FGF10: variants seen among roughly 807,000 people sequenced by gnomAD.
FGF10 encodes FGF-10.
A neutral mutation model predicts 19.8 loss-of-function variants in FGF10; 2 were observed. That is an observed-to-expected ratio of 0.10 (90% CI 0.04 to 0.32). The LOEUF (loss-of-function observed/expected upper bound fraction) is 0.32. FGF10 is among the 10% of genes least tolerant of loss of function. FGF10 has a pLI of 1.00. For synonymous variants in FGF10, 112 were observed against 94.0 expected, an observed-to-expected ratio of 1.19 and a Z score of -1.10; for missense variants, 191 against 246.3, an observed-to-expected ratio of 0.78 and a Z score of 1.50.
intron 1 of FGF10, among the ~76,000 whole-genome samples, chr5:44,377,925 C>T (rs979469595): frequency 3.3e-5 from 5 of 152,130 alleles, no homozygotes; most frequent in South Asian, 2.1e-4. Context: ...CTATCTTAGC[C>T]GTTGATGTAG....
At chr5:44,357,801 T>C (rs906410808) in intron 1 of FGF10, among the ~76,000 whole-genome samples, 32 of 151,516 alleles carry the variant, frequency 2.1e-4, no homozygotes, top group Admixed American at 2.1e-3. Context: ...TAGCTAAGTA[T>C]AGCCAAATAA....
chr5:44,380,718 C>T (rs909952914), intron 1 of FGF10, among the ~76,000 whole-genome samples: 4 of 152,286 alleles, frequency 2.6e-5, no homozygotes, highest in South Asian at 2.1e-4. Context: ...TGGTGGCTCA[C>T]ACCCGTAATC....
At chr5:44,369,285 A>T (rs1007350913) in intron 1 of FGF10, among the ~76,000 whole-genome samples, 8 of 152,222 alleles carry the variant, frequency 5.3e-5, no homozygotes, top group African/African-American at 1.9e-4. Flanking sequence ...ATAAACCATA[A>T]GACATTAAAG....
intron 1 of FGF10, among the ~76,000 whole-genome samples, chr5:44,317,115 G>A (rs1205595984): frequency 6.6e-6 from 1 of 152,042 alleles, no homozygotes; most frequent in Non-Finnish European, 1.5e-5. Flanking sequence ...TACTAGACTG[G>A]GCTAATCAGT....
intron 1 of FGF10, among the ~76,000 whole-genome samples, chr5:44,360,516 G>A (rs1741456686): frequency 6.6e-6 from 1 of 151,534 alleles, no homozygotes; most frequent in African/African-American, 2.4e-5. Flanking sequence ...ATTCCCTGCA[G>A]CCACTTCTCT....
intron 1 of FGF10, among the ~76,000 whole-genome samples, chr5:44,319,763 A>T (rs775172999): frequency 5.9e-5 from 9 of 152,188 alleles, no homozygotes; most frequent in Non-Finnish European, 1.2e-4. Flanking sequence ...GCAGAAAGAC[A>T]ATTTATCTAT....
At chr5:44,312,855 TG>T (rs1192715055) in intron 1 of FGF10, among the ~76,000 whole-genome samples, 2 of 152,098 alleles carry the variant, frequency 1.3e-5, no homozygotes, top group African/African-American at 4.8e-5. Context: ...TGCAACGTCC[TG>T]GGATTAAACT....
chr5:44,340,953 TAAC>T (rs1322083306), intron 1 of FGF10, among the ~76,000 whole-genome samples: 4 of 151,802 alleles, frequency 2.6e-5, no homozygotes, highest in African/African-American at 9.7e-5. Flanking sequence ...CCTTAGAAAT[TAAC>T]ATGAGAACCA....
intron 1 of FGF10, among the ~76,000 whole-genome samples, chr5:44,349,446 ATATAT>A (rs1307753669): frequency 6.0e-4 from 7 of 11,694 alleles, no homozygotes; most frequent in African/African-American, 1.5e-3. Context: ...ATATATATAT[ATATAT>A]ATATATATAT....
At chr5:44,387,205 T>C (rs1346318287) in intron 1 of FGF10, among the ~76,000 whole-genome samples, 1 of 152,164 alleles carries the variant, frequency 6.6e-6, no homozygotes, top group Non-Finnish European at 1.5e-5. Context: ...TGAAAGTATC[T>C]GAGAAAGGAA....
chr5:44,372,432 T>C (rs1741762049), intron 1 of FGF10, among the ~76,000 whole-genome samples: 1 of 152,118 alleles, frequency 6.6e-6, no homozygotes. Flanking sequence ...CATCTCAAAA[T>C]CCTTAATTTA....
At chr5:44,374,761 C>G (rs756947409) in intron 1 of FGF10, among the ~76,000 whole-genome samples, 7 of 152,124 alleles carry the variant, frequency 4.6e-5, no homozygotes, top group Non-Finnish European at 8.8e-5. Context: ...CTAGAAATAA[C>G]TGTCTCATAG....
chr5:44,369,518 C>T (rs1049450224), intron 1 of FGF10, among the ~76,000 whole-genome samples: 2 of 152,116 alleles, frequency 1.3e-5, no homozygotes, highest in African/African-American at 4.8e-5. Context: ...TTTGTTTACA[C>T]GACTGTCATT....
chr5:44,347,965 A>G (rs139090003), intron 1 of FGF10, among the ~76,000 whole-genome samples: 1,579 of 151,816 alleles, frequency 0.01, 18 homozygotes, highest in Admixed American at 0.022. Context: ...TTAGAAGGTC[A>G]GTATAGGAGT....
rs1739954101 is a variant in FGF10 at position 44,300,938 on chromosome 5, T to C, written c.*4057A>G. 6.6e-6 allele frequency among the ~76,000 whole-genome samples: 1 copy of C among 152,116 alleles called. No individual in the cohort carries two copies. Among genetic ancestry groups the C allele is most frequent in the Non-Finnish European group, 1.5e-5 (1 of 68,014 alleles). ...CTTGTAGTAAAGGAGTTTGGGGTTTTGGGTTTTGGAGTAGGAAAGAAGTAG... is the reference window on the plus strand; with the variant it reads ...CTTGTAGTAAAGGAGTTTGGGGTTTCGGGTTTTGGAGTAGGAAAGAAGTAG... On this transcript the variant is annotated 3_prime_UTR_variant, in exon 3 of 3. Coordinates refer to ENST00000264664, the MANE Select transcript of FGF10 (RefSeq NM_004465.2).
chr5:44,326,765 G>A (rs375381486), intron 1 of FGF10, among the ~76,000 whole-genome samples: 1 of 151,890 alleles, frequency 6.6e-6, no homozygotes, highest in Admixed American at 6.6e-5. Context: ...TACCAGCACC[G>A]GGATCATATT....
chr5:44,340,557 G>A (rs1265780847), intron 1 of FGF10, among the ~76,000 whole-genome samples: 1 of 152,002 alleles, frequency 6.6e-6, no homozygotes, highest in Non-Finnish European at 1.5e-5. Context: ...TACAGGTATT[G>A]TCTTTTATCA....
At chr5:44,344,111 G>A (rs1741030179) in intron 1 of FGF10, among the ~76,000 whole-genome samples, 1 of 151,894 alleles carries the variant, frequency 6.6e-6, no homozygotes, top group African/African-American at 2.4e-5. Context: ...AACAAGCCAG[G>A]TTGGATGGCC....
At chr5:44,334,959 C>T (rs903697975) in intron 1 of FGF10, among the ~76,000 whole-genome samples, 3 of 152,096 alleles carry the variant, frequency 2.0e-5, no homozygotes, top group African/African-American at 4.8e-5. Context: ...TAATCATTCT[C>T]ACTTGAACAT....
Sources: gnomAD v4.1 joint callset for allele counts (sites outside exome capture counted in the v4.1 genomes callset) on GRCh38, gnomAD v4.1.1 for gene constraint, MANE v1.5 for transcripts, NCBI Gene and HGNC (gene_info 2026-07-23, HGNC 2026-07-21) for gene names.